Variants in ST8SIA4 observed in about 807,000 individuals in gnomAD.
ST8SIA4 encodes ST8 alpha-N-acetyl-neuraminide alpha-2,8-sialyltransferase 4, also known as CMP-N-acetylneuraminate-poly-alpha-2,8-sialyltransferase.
Under a neutral mutation model 33.9 loss-of-function variants are expected in ST8SIA4, and 15 were observed. The observed-to-expected ratio is 0.44, with a 90% CI of 0.30 to 0.68. The LOEUF is 0.68. ST8SIA4 is among the 30% of genes least tolerant of loss of function. The pLI is 0.10. For missense variants in ST8SIA4, 321 were observed against 428.0 expected (o/e 0.75, Z 2.21); for synonymous variants, 171 against 151.2 (o/e 1.13, Z -0.96).
chr5:100,838,548 A>T (rs992026778), intron 4 of ST8SIA4, among the ~76,000 whole-genome samples: 1 of 152,012 alleles, frequency 6.6e-6, no homozygotes, highest in Non-Finnish European at 1.5e-5. Context: ...GTAATATGTA[A>T]ATTATGTATT....
At chr5:100,850,782 T>C (rs1751677011) in intron 4 of ST8SIA4, among the ~76,000 whole-genome samples, 1 of 120,136 alleles carries the variant, frequency 8.3e-6, no homozygotes, top group African/African-American at 3.0e-5. Flanking sequence ...TGTGTAGATG[T>C]GTATATATAT....
chr5:100,864,760 A>G, intron 3 of ST8SIA4, among the ~76,000 whole-genome samples: 1 of 152,118 alleles, frequency 6.6e-6, no homozygotes. Context: ...AATTCAGTAC[A>G]AAGCACATAG....
intron 2 of ST8SIA4, among the ~76,000 whole-genome samples, chr5:100,892,186 AAAAT>A (rs572075897): frequency 6.5e-4 from 99 of 152,266 alleles, no homozygotes; most frequent in African/African-American, 2.1e-3. Flanking sequence ...ACAAAAAAAG[AAAAT>A]AAATAATCCA....
At chr5:100,894,684 G>A (rs972607817) in intron 2 of ST8SIA4, among the ~76,000 whole-genome samples, 2 of 152,024 alleles carry the variant, frequency 1.3e-5, no homozygotes, top group African/African-American at 4.8e-5. Flanking sequence ...CTAAAGATGA[G>A]TGTAATAGAC....
At chr5:100,886,256 A>G in intron 3 of ST8SIA4, 87 bp downstream of exon 3, 1 of 1,530,054 alleles carries the variant, frequency 6.5e-7, no homozygotes, top group South Asian at 1.3e-5. Context: ...GGTTTTAGTA[A>G]TACTTTAAAA....
At chr5:100,815,094 T>C (rs1184890343) in intron 4 of ST8SIA4, among the ~76,000 whole-genome samples, 1 of 152,032 alleles carries the variant, frequency 6.6e-6, no homozygotes, top group African/African-American at 2.4e-5. Context: ...CATGTTATGG[T>C]TTAAAATTTA....
rs767452706 is a variant in ST8SIA4, at chr5:100,811,892, A to G, written c.1035T>C (p.Asn345=). The G allele has an allele frequency of 5.6e-6, 9 of 1,613,982 alleles. No homozygotes were observed. The African/African-American group carries it at 9.3e-5, about 17-fold the overall frequency. The change falls in exon 5 of 5, where the codon AAT becomes AAC. Residue 345 remains asparagine, a synonymous_variant. Coordinates refer to ENST00000231461, the MANE Select transcript of ST8SIA4 (RefSeq NM_005668.6). ...CTGTTGTCAGTTTTAGAGCTCCTCT[A>G]TTATGTAGCACATTTAATGTTTTGA... is the stretch of plus-strand genomic sequence containing the variant. ...LEFKTLNVLH[N]RGALKLTTGK... is the part of the protein sequence containing the mutation.
chr5:100,896,559 G>T (rs1752784291), intron 1 of ST8SIA4, among the ~76,000 whole-genome samples: 1 of 152,048 alleles, frequency 6.6e-6, no homozygotes, highest in Non-Finnish European at 1.5e-5. Context: ...TTTTTAAGTA[G>T]CTCCAAGAGA....
Position 100,811,828 on chromosome 5 carries a change from GTT to G in ST8SIA4, c.*17_*18del, listed in dbSNP as rs1193587513. The G allele has an allele frequency of 6.3e-7, 1 of 1,585,618 alleles. No homozygotes were observed. The highest frequency in any genetic ancestry group is 1.4e-5 in the African/African-American group (1 of 73,592). On this transcript the variant is annotated 3_prime_UTR_variant, in exon 5 of 5. Coordinates refer to ENST00000231461, the MANE Select transcript of ST8SIA4 (RefSeq NM_005668.6). The stretch of plus-strand genomic sequence containing the variant: ...CATCTTCAGAAAAGAAGTGCATATT[GTT>G]TGTTTCAAAATGTGCTTTATTGCTT...
chr5:100,820,845 G>A, intron 4 of ST8SIA4, among the ~76,000 whole-genome samples: 1 of 152,158 alleles, frequency 6.6e-6, no homozygotes, highest in East Asian at 1.9e-4. Flanking sequence ...TCTTTTGGGA[G>A]TTGTCAAAGA....
At chr5:100,879,654 C>A (rs1395879083) in intron 3 of ST8SIA4, among the ~76,000 whole-genome samples, 1 of 152,078 alleles carries the variant, frequency 6.6e-6, no homozygotes, top group Non-Finnish European at 1.5e-5. Flanking sequence ...CAAATTGTTT[C>A]ATAAGATACA....
chr5:100,819,146 C>T (rs1328213550), intron 4 of ST8SIA4, among the ~76,000 whole-genome samples: 1 of 152,154 alleles, frequency 6.6e-6, no homozygotes, highest in East Asian at 1.9e-4. Context: ...ATCATCCCTA[C>T]TTCATAGAGG....
rs769584443 is a variant in ST8SIA4 at position 100,903,252 on chromosome 5, G to C, written c.-297C>G. The C allele has an allele frequency of 2.7e-6, 1 of 374,456 alleles. No homozygotes were observed. Among genetic ancestry groups the C allele is most frequent in the Non-Finnish European group, 4.9e-6 (1 of 204,174 alleles). The allele number at this position is 374,456 out of a possible 1,614,324, so 23.2% of individuals were successfully genotyped here. ...AGACACCTTGTGCATTGGAGGTGGC[G>C]GCAGCTTCTGCAGCTGGGTTCGGGG... On this transcript the variant is annotated 5_prime_UTR_variant, in exon 1 of 5. Coordinates refer to ENST00000231461, the MANE Select transcript of ST8SIA4 (RefSeq NM_005668.6).
chr5:100,811,767 G>C lies in ST8SIA4; in HGVS notation c.*80C>G. On this transcript the variant is annotated 3_prime_UTR_variant, in exon 5 of 5. Transcript: ENST00000231461. Reference sequence around the variant, plus strand: ...GTTCATTGGTGGATGCTGAAACCCAGCCGTGTTTTGGATCCTATTTTCAAA... The same window carrying C: ...GTTCATTGGTGGATGCTGAAACCCACCCGTGTTTTGGATCCTATTTTCAAA... The C allele has an allele frequency of 1.4e-6, 2 of 1,420,236 alleles. No individual in the cohort carries two copies. 88.0% of individuals were successfully genotyped at this position (1,420,236 alleles called of 1,614,324 possible). A position where few individuals can be genotyped will look rare whatever the true frequency, so the allele number is the denominator to read the frequency against.
At position 100,811,666 on chromosome 5, in the gene ST8SIA4, T is replaced by G; in HGVS notation, c.*181A>C. On this transcript the variant is annotated 3_prime_UTR_variant, in exon 5 of 5. Coordinates refer to ENST00000231461, the MANE Select transcript of ST8SIA4 (RefSeq NM_005668.6). ...CTAGGACCCTTAAAGTCAAAATATT[T>G]AATTTTTAGAGCACTTTGCAGGTAT... 1.6e-6 allele frequency: 1 copy of G among 625,592 alleles called. No homozygotes were observed. The highest frequency in any genetic ancestry group is 2.7e-6 in the Non-Finnish European group (1 of 369,864). The allele number at this position is 625,592 out of a possible 1,614,324, so 38.8% of individuals were successfully genotyped here.
chr5:100,838,108 A>G (rs1274766390), intron 4 of ST8SIA4, among the ~76,000 whole-genome samples: 2 of 152,020 alleles, frequency 1.3e-5, no homozygotes, highest in Admixed American at 1.3e-4. Context: ...GATGTATGAG[A>G]CAAAGCGGTA....
chr5:100,903,072 G>T lies in ST8SIA4; in HGVS notation c.-117C>A. 1 of 715,386 alleles carries T rather than the reference G, an allele frequency of 1.4e-6. No homozygotes were observed. 44.3% of individuals were successfully genotyped at this position (715,386 alleles called of 1,614,324 possible). A position where few individuals can be genotyped will look rare whatever the true frequency, so the allele number is the denominator to read the frequency against. On this transcript the variant is annotated 5_prime_UTR_variant, in exon 1 of 5. Transcript: ENST00000231461. ...AATCTGTAAAATGCGAGGAGAGCTT[G>T]GAGCCGGGATCCCGGGATCAGATCA...
chr5:100,818,558 C>T (rs1433900625), intron 4 of ST8SIA4, among the ~76,000 whole-genome samples: 1 of 152,070 alleles, frequency 6.6e-6, no homozygotes, highest in African/African-American at 2.4e-5. Flanking sequence ...TTGCATGATG[C>T]CTCTGAAGGT....
intron 1 of ST8SIA4, among the ~76,000 whole-genome samples, chr5:100,898,005 C>A (rs926230449): frequency 6.6e-6 from 1 of 152,170 alleles, no homozygotes; most frequent in Non-Finnish European, 1.5e-5. Context: ...ATTTCAGGTG[C>A]AAACTATCAC....
Sources: gnomAD v4.1 joint callset for allele counts (sites outside exome capture counted in the v4.1 genomes callset) on GRCh38, gnomAD v4.1.1 for gene constraint, MANE v1.5 for transcripts, NCBI Gene and HGNC (gene_info 2026-07-23, HGNC 2026-07-21) for gene names.